Variants in SNTG2 observed in about 807,000 individuals in gnomAD.
The protein encoded by SNTG2 is gamma-2-syntrophin.
In SNTG2, 74 loss-of-function variants were observed where a neutral mutation model predicts 70.9. The ratio of observed to expected loss-of-function variants is 1.04; its 90% confidence interval spans 0.86 to 1.27. The LOEUF (loss-of-function observed/expected upper bound fraction) is 1.27, where lower values mean the gene tolerates loss of function less well. Ranked by LOEUF, SNTG2 falls within the 50% of genes most tolerant of loss-of-function variation. SNTG2 has a pLI of 0.00. For synonymous variants in SNTG2, 278 were observed against 273.8 expected (o/e 1.02, Z -0.15); for missense variants, 717 against 690.7 (o/e 1.04, Z -0.43).
intron 1 of SNTG2, among the ~76,000 whole-genome samples, chr2:1,021,142 TG>T (rs1558316217): frequency 7.2e-5 from 11 of 152,194 alleles, no homozygotes; most frequent in Admixed American, 2.0e-4. Flanking sequence ...AATCAAGCCA[TG>T]TTTGTCTCTT....
intron 7 of SNTG2, among the ~76,000 whole-genome samples, chr2:1,170,368 C>T (rs960020201): frequency 6.6e-6 from 1 of 152,138 alleles, no homozygotes; most frequent in Admixed American, 6.5e-5. Context: ...AACCCTGTGC[C>T]AGTTAGTCAG....
chr2:1,207,649 G>A (rs531525942), intron 8 of SNTG2, among the ~76,000 whole-genome samples: 12 of 152,200 alleles, frequency 7.9e-5, no homozygotes, highest in African/African-American at 2.2e-4. Context: ...TCTGTTAAGC[G>A]TAAGCATTGT....
At chr2:1,338,184 T>G (rs1659912803) in intron 16 of SNTG2, among the ~76,000 whole-genome samples, 2 of 152,194 alleles carry the variant, frequency 1.3e-5, no homozygotes, top group African/African-American at 4.8e-5. Flanking sequence ...TTTTGGCTAG[T>G]CAGGATCCTT....
chr2:1,203,473 C>T (rs1558525744), intron 8 of SNTG2, among the ~76,000 whole-genome samples: 1 of 150,426 alleles, frequency 6.6e-6, no homozygotes, highest in Non-Finnish European at 1.5e-5. Flanking sequence ...GCCTGGCCAA[C>T]ATCATGAAAC....
chr2:1,086,472 C>T (rs1209019325), intron 2 of SNTG2, among the ~76,000 whole-genome samples: 1 of 152,218 alleles, frequency 6.6e-6, no homozygotes, highest in Non-Finnish European at 1.5e-5. Flanking sequence ...ATCCCAACCC[C>T]ACATCTGCCC....
At chr2:982,014 GCACACAGACA>G (rs753687315) in intron 1 of SNTG2, among the ~76,000 whole-genome samples, 14 of 151,936 alleles carry the variant, frequency 9.2e-5, no homozygotes, top group Admixed American at 3.3e-4. Flanking sequence ...CCACACAGAT[GCACACAGACA>G]CACACTCACA....
Position 1,307,605 on chromosome 2 carries a change from G to T in SNTG2, c.1285-889G>T, listed in dbSNP as rs146400019. 2.5e-3 allele frequency among the ~76,000 whole-genome samples: 376 copies of T among 152,268 alleles called. 1 individual carries two copies. The highest frequency in any genetic ancestry group is 8.4e-3 in the African/African-American group (347 of 41,530). ...CACAGCTGTATTTCTCCAGCTCAAA[G>T]CAATGGCTCCGCTTCTCTTCTAAAT... On this transcript the variant is annotated intron_variant, in intron 14 of 16. Transcript: ENST00000308624.
chr2:1,287,124 C>T (rs975874845), intron 14 of SNTG2, among the ~76,000 whole-genome samples: 2 of 152,280 alleles, frequency 1.3e-5, no homozygotes, highest in African/African-American at 2.4e-5. Flanking sequence ...GTGCTTTTCC[C>T]GCCGAGGAGT....
At chr2:1,322,177 C>T (rs906446396) in intron 16 of SNTG2, among the ~76,000 whole-genome samples, 2 of 152,152 alleles carry the variant, frequency 1.3e-5, no homozygotes, top group Non-Finnish European at 2.9e-5. Context: ...TAAGCAGTGG[C>T]AACAAGCAAG....
Position 1,308,496 on chromosome 2 carries a change from C to T in SNTG2, c.1287C>T (p.Ser429=), listed in dbSNP as rs760933687. ...TCAAAATTGATACTTTTTTCTAGTC[C>T]AGAACATACATGTGCAGCTGGCAAG... is the stretch of plus-strand genomic sequence containing the variant. The part of the protein sequence containing the change: ...ATFMEVQRTG[S]RTYMCSWQGE... Residue 429 remains serine, a splice_region_variant and synonymous_variant, in exon 15 of 17, where the codon TCC becomes TCT. Transcript: ENST00000308624. The T allele has an allele frequency of 1.7e-5, 26 of 1,550,488 alleles. No homozygotes were observed. The African/African-American group carries it at 3.0e-4, about 18-fold the overall frequency.
intron 8 of SNTG2, among the ~76,000 whole-genome samples, chr2:1,208,788 G>A (rs576366267): frequency 9.2e-5 from 14 of 152,206 alleles, no homozygotes; most frequent in African/African-American, 2.9e-4. Flanking sequence ...TCTTTCTCAC[G>A]GTCTCTATGC....
chr2:1,102,040 T>G (rs898464904), intron 4 of SNTG2, among the ~76,000 whole-genome samples: 1 of 152,240 alleles, frequency 6.6e-6, no homozygotes, highest in Admixed American at 6.5e-5. Flanking sequence ...GATAAGACGC[T>G]TCTCGGGCCA....
chr2:1,237,206 G>A (rs779698561), intron 9 of SNTG2, among the ~76,000 whole-genome samples: 1 of 152,020 alleles, frequency 6.6e-6, no homozygotes, highest in East Asian at 1.9e-4. Flanking sequence ...GTCTTCCAAC[G>A]TCCTGTGATT....
At chr2:1,046,465 T>A (rs960208661) in intron 1 of SNTG2, among the ~76,000 whole-genome samples, 26 of 152,276 alleles carry the variant, frequency 1.7e-4, no homozygotes, top group African/African-American at 6.0e-4. Flanking sequence ...GGTCTATGTA[T>A]TTCAGTGTGT....
chr2:1,357,339 T>G (rs994201499), intron 16 of SNTG2, among the ~76,000 whole-genome samples: 3 of 152,134 alleles, frequency 2.0e-5, no homozygotes, highest in African/African-American at 7.2e-5. Flanking sequence ...TACTTTTTAT[T>G]ACTTTTATAA....
chr2:1,214,556 T>C (rs1027139294), intron 9 of SNTG2, among the ~76,000 whole-genome samples: 1 of 152,188 alleles, frequency 6.6e-6, no homozygotes, highest in African/African-American at 2.4e-5. Context: ...TCATTGTTAG[T>C]GAACAAAATA....
intron 12 of SNTG2, among the ~76,000 whole-genome samples, chr2:1,255,860 A>G (rs1558602510): frequency 2.3e-5 from 1 of 43,202 alleles, no homozygotes; most frequent in Non-Finnish European, 3.8e-5. Flanking sequence ...ATAAATATAT[A>G]TAAATATATA....
chr2:954,799 C>A (rs1191435209), intron 1 of SNTG2, among the ~76,000 whole-genome samples: 2 of 152,204 alleles, frequency 1.3e-5, no homozygotes, highest in African/African-American at 4.8e-5. Context: ...TGCTTCTTCA[C>A]CCCATCAGCC....
chr2:1,292,315 T>G (rs190426253), intron 14 of SNTG2, among the ~76,000 whole-genome samples: 1 of 152,324 alleles, frequency 6.6e-6, no homozygotes, highest in Admixed American at 6.5e-5. Context: ...ATTTTGTTTT[T>G]TCTTTCCTAT....
Sources: allele counts gnomAD v4.1 joint callset (sites outside exome capture counted in the v4.1 genomes callset), GRCh38; gene constraint gnomAD v4.1.1; transcripts MANE v1.5; gene names NCBI Gene and HGNC (gene_info 2026-07-23, HGNC 2026-07-21).